Variants in SPATA2 observed in about 807,000 individuals in gnomAD.
The protein encoded by SPATA2 is spermatogenesis associated 2, also known as spermatogenesis-associated protein 2.
In SPATA2, 8 loss-of-function variants were observed where a neutral mutation model predicts 35.4. The ratio of observed to expected loss-of-function variants is 0.23; its 90% CI spans 0.13 to 0.41. SPATA2 has a LOEUF of 0.41. Ranked by LOEUF, SPATA2 falls within the 10% of genes least tolerant of loss-of-function variation. SPATA2 has a pLI of 1.00. For missense variants in SPATA2, 650 were observed against 698.7 expected (o/e 0.93, Z 0.79); for synonymous variants, 293 against 300.9 (o/e 0.97, Z 0.27).
chr20:49,910,944 G>A (rs2146834779), intron 1 of SPATA2, among the ~76,000 whole-genome samples: 1 of 152,252 alleles, frequency 6.6e-6, no homozygotes, highest in East Asian at 1.9e-4. Flanking sequence ...GCCAGGTGCG[G>A]GGGCTCACGC....
rs1334318346 is a variant in SPATA2, at chr20:49,910,206, C to T, written c.-102-1614G>A. Among the ~76,000 whole-genome samples the T allele has an allele frequency of 2.0e-5, 3 of 152,186 alleles. No individual in the cohort carries two copies. The East Asian group carries it at 5.8e-4, about 29-fold the overall frequency. On this transcript the variant is annotated intron_variant, in intron 1 of 2. Coordinates refer to ENST00000289431, the MANE Select transcript of SPATA2 (RefSeq NM_006038.4). The stretch of plus-strand genomic sequence containing the variant: ...CACGGGGTCCAAGGCCAGGCACCTG[C>T]GAGTGAGGCCAGGGCTGCTTCTCCA...
rs2090130497 is a variant in SPATA2, at chr20:49,904,781, TAATA to T, written c.*834_*837del. The stretch of plus-strand genomic sequence containing the variant: ...GGAAGACTAAAGAACCCAGGGCATT[TAATA>T]AATAGCTACATAATTCATTTTTTTA... On this transcript the variant is annotated 3_prime_UTR_variant, in exon 3 of 3. Coordinates refer to ENST00000289431, the MANE Select transcript of SPATA2 (RefSeq NM_006038.4). The T allele has an allele frequency of 6.6e-6, 1 of 152,646 alleles. No homozygotes were observed. Among genetic ancestry groups the T allele is most frequent in the Non-Finnish European group, 1.5e-5 (1 of 68,046 alleles). 9.5% of individuals were successfully genotyped at this position (152,646 alleles called of 1,614,324 possible).
Position 49,906,592 on chromosome 20 carries a change from C to T in SPATA2, c.590G>A (p.Arg197His), listed in dbSNP as rs747860028. The T allele has an allele frequency of 2.5e-6, 4 of 1,614,232 alleles. No homozygotes were observed. The highest frequency in any genetic ancestry group is 3.4e-6 in the Non-Finnish European group (4 of 1,180,032). Residue 197 changes from arginine (R) to histidine (H), a missense_variant, in exon 3 of 3, where the codon CGC (arginine) becomes CAC (histidine). Coordinates refer to ENST00000289431, the MANE Select transcript of SPATA2 (RefSeq NM_006038.4). This position sits in a 1 kb window ranked among gnomAD's most constrained non-coding sequence, Gnocchi z 8.2. The stretch of plus-strand genomic sequence containing the variant: ...GCGCACATCCTCTGCACTGCTCTTG[C>T]GCTCGCTCACAATGTCCAGCTCGGA... ...GYSELDIVSE[R>H]KSSAEDVRGC...
At chr20:49,912,601 C>T (rs566518656) in intron 1 of SPATA2, among the ~76,000 whole-genome samples, 23 of 152,234 alleles carry the variant, frequency 1.5e-4, no homozygotes, top group South Asian at 4.1e-4. Context: ...ATTAAGCTTC[C>T]GAATACTGCT....
At chr20:49,914,009 C>A (rs889513060) in intron 1 of SPATA2, among the ~76,000 whole-genome samples, 22 of 146,276 alleles carry the variant, frequency 1.5e-4, no homozygotes, top group Non-Finnish European at 3.0e-4. Context: ...GATTGGAACG[C>A]CAAGCCGTGC....
chr20:49,915,063 C>T (rs1490723727), intron 1 of SPATA2, among the ~76,000 whole-genome samples: 1 of 152,208 alleles, frequency 6.6e-6, no homozygotes, highest in African/African-American at 2.4e-5. Context: ...ACTGGGAACC[C>T]CTGCGCGGTA....
intron 1 of SPATA2, among the ~76,000 whole-genome samples, chr20:49,912,283 G>A (rs963758153): frequency 3.3e-5 from 5 of 152,162 alleles, no homozygotes; most frequent in African/African-American, 4.8e-5. Flanking sequence ...GCGAAACCCC[G>A]CCTCTACTAA....
chr20:49,906,096 G>A lies in SPATA2; in HGVS notation c.1086C>T (p.Asn362=), dbSNP rs200914647. The A allele has an allele frequency of 3.7e-6, 6 of 1,611,232 alleles. No individual in the cohort carries two copies. Among genetic ancestry groups the A allele is most frequent in the East Asian group, 2.2e-5 (1 of 44,866 alleles). The part of the protein sequence containing the change: ...ALRPDVWLLR[N]DAHSLYHKRS... ...GCTTGTGGTAGAGGGAGTGGGCATC[G>A]TTTCTGAGCAGCCACACATCCGGCC... Residue 362 remains asparagine, a synonymous_variant, in exon 3 of 3, where the codon AAC becomes AAT. Transcript: ENST00000289431. The surrounding 1 kb of genome is among the most constrained non-coding windows in gnomAD (Gnocchi z 8.2).
chr20:49,910,680 C>T (rs893196757), intron 1 of SPATA2, among the ~76,000 whole-genome samples: 5 of 152,146 alleles, frequency 3.3e-5, no homozygotes, highest in Admixed American at 1.3e-4. Context: ...GAAGGTCCTA[C>T]GAGCCCAGCA....
intron 1 of SPATA2, among the ~76,000 whole-genome samples, chr20:49,911,423 G>A (rs2090181417): frequency 6.6e-6 from 1 of 151,902 alleles, no homozygotes; most frequent in Non-Finnish European, 1.5e-5. Context: ...TAGCACTTTG[G>A]GAGGCCGAGG....
At position 49,906,796 on chromosome 20, in the gene SPATA2, T is replaced by C. The variant is rs777448082; in HGVS notation, c.386A>G (p.Glu129Gly). ...GCAGCTCAGGATGGCTCGGATGTCC[T>C]CTTCCAGTAATGTCGACTTGACATA... Reference protein sequence around the residue: ...VYYVKSTLLEEDIRAILSCMG... With the variant: ...VYYVKSTLLEGDIRAILSCMG... The change falls in exon 3 of 3, where the codon GAG becomes GGG. Residue 129 changes from glutamate (E) to glycine (G), a missense_variant. Transcript: ENST00000289431. The surrounding 1 kb of genome is among the most constrained non-coding windows in gnomAD (Gnocchi z 8.2). 6.2e-7 allele frequency: 1 copy of C among 1,613,522 alleles called. No homozygotes were observed. The highest frequency in any genetic ancestry group is 1.1e-5 in the South Asian group (1 of 91,082).
In SPATA2 at chr20:49,905,607, G is replaced by A. The variant is rs370083864; in HGVS notation, c.*12C>T. 6 of 1,612,934 alleles carry A rather than the reference G, an allele frequency of 3.7e-6. No individual in the cohort carries two copies. The African/African-American group carries it at 5.3e-5, about 14-fold the overall frequency. On this transcript the variant is annotated 3_prime_UTR_variant, in exon 3 of 3. Coordinates refer to ENST00000289431, the MANE Select transcript of SPATA2 (RefSeq NM_006038.4). ...TGATGTAGCCCTTGGAGCTGGAAGG[G>A]GCGAGGCCGGTCTATCTGTACACGA...
rs1431587837 is a variant in SPATA2, at chr20:49,903,902, G to GATAGATAGATATAT, written c.*1716_*1717insATATATCTATCTAT. ...ACATCTACATGTGATCTACCAGATA[G>GATAGATAGATATAT]ATATATATATATATATATATATATA... On this transcript the variant is annotated 3_prime_UTR_variant, in exon 3 of 3. Transcript: ENST00000289431. 1 of 96,930 alleles carries GATAGATAGATATAT rather than the reference G, an allele frequency of 1.0e-5. No individual in the cohort carries two copies. Among genetic ancestry groups the GATAGATAGATATAT allele is most frequent in the African/African-American group, 4.7e-5 (1 of 21,328 alleles). 6.0% of individuals were successfully genotyped at this position (96,930 alleles called of 1,614,324 possible).
chr20:49,911,223 T>C (rs2090180473), intron 1 of SPATA2, among the ~76,000 whole-genome samples: 1 of 152,206 alleles, frequency 6.6e-6, no homozygotes, highest in Non-Finnish European at 1.5e-5. Flanking sequence ...ACTTCATTCA[T>C]TCATTAGCTT....
At position 49,905,347 on chromosome 20, in the gene SPATA2, A is replaced by T; in HGVS notation, c.*272T>A. On this transcript the variant is annotated 3_prime_UTR_variant, in exon 3 of 3. Coordinates refer to ENST00000289431, the MANE Select transcript of SPATA2 (RefSeq NM_006038.4). Reference sequence around the variant, plus strand: ...CAAAACAAAACAAAACCCCAAAAAAAGAACCAACTGAACAGGGAGTGGAGA... The same window carrying T: ...CAAAACAAAACAAAACCCCAAAAAATGAACCAACTGAACAGGGAGTGGAGA... 1 of 462,930 alleles carries T rather than the reference A, an allele frequency of 2.2e-6. No individual in the cohort carries two copies. Among genetic ancestry groups the T allele is most frequent in the Non-Finnish European group, 3.8e-6 (1 of 261,114 alleles). 28.7% of individuals were successfully genotyped at this position (462,930 alleles called of 1,614,324 possible). A position where few individuals can be genotyped will look rare whatever the true frequency, so the allele number is the denominator to read the frequency against.
intron 1 of SPATA2, among the ~76,000 whole-genome samples, chr20:49,909,126 G>A (rs1230343310): frequency 2.0e-5 from 3 of 152,074 alleles, no homozygotes; most frequent in Non-Finnish European, 4.4e-5. Context: ...GGGTTCAAGC[G>A]ATTCTCCTGC....
chr20:49,912,211 T>C (rs928474805), intron 1 of SPATA2, among the ~76,000 whole-genome samples: 1 of 152,222 alleles, frequency 6.6e-6, no homozygotes, highest in Non-Finnish European at 1.5e-5. Context: ...CCTACAACTC[T>C]GGGAGGCCAA....
intron 1 of SPATA2, among the ~76,000 whole-genome samples, chr20:49,909,117 G>A (rs2090167694): frequency 6.6e-6 from 1 of 152,112 alleles, no homozygotes; most frequent in Non-Finnish European, 1.5e-5. Flanking sequence ...CCGCCTCCCG[G>A]GTTCAAGCGA....
chr20:49,904,932 T>C lies in SPATA2; in HGVS notation c.*687A>G, dbSNP rs2090131383. On this transcript the variant is annotated 3_prime_UTR_variant, in exon 3 of 3. Coordinates refer to ENST00000289431, the MANE Select transcript of SPATA2 (RefSeq NM_006038.4). Reference sequence around the variant, plus strand: ...AGAAAGGGGGAAGTCAGTCCTGCTGTGGGAAGCCCACACATCAGTGTGTTG... The same window carrying C: ...AGAAAGGGGGAAGTCAGTCCTGCTGCGGGAAGCCCACACATCAGTGTGTTG... 1 of 152,874 alleles carries C rather than the reference T, an allele frequency of 6.5e-6. No individual in the cohort carries two copies. 9.5% of individuals were successfully genotyped at this position (152,874 alleles called of 1,614,324 possible).
Sources: allele counts gnomAD v4.1 joint callset (sites outside exome capture counted in the v4.1 genomes callset), GRCh38; gene constraint gnomAD v4.1.1; non-coding constraint Gnocchi (gnomAD v3.1); transcripts MANE v1.5; gene names NCBI Gene and HGNC (gene_info 2026-07-23, HGNC 2026-07-21).